Variants in GTPBP10 observed in about 807,000 individuals in gnomAD.
The protein encoded by GTPBP10 is GTP binding protein 10.
GTPBP10 carries 38 observed loss-of-function variants against 44.8 expected under a neutral mutation model. That is an observed-to-expected ratio of 0.85 (90% CI 0.65 to 1.11). GTPBP10 has a LOEUF of 1.11. Ranked by LOEUF, GTPBP10 falls within the 50% of genes most tolerant of loss-of-function variation. The pLI is 0.00. For synonymous variants in GTPBP10, 152 were observed against 150.6 expected (o/e 1.01, Z -0.07); for missense variants, 462 against 453.7 (o/e 1.02, Z -0.17).
chr7:90,362,348 G>A (rs920139861), intron 4 of GTPBP10, among the ~76,000 whole-genome samples: 11 of 152,074 alleles, frequency 7.2e-5, no homozygotes, highest in Admixed American at 2.0e-4. Context: ...GTTCTCATTG[G>A]TTTCAAAGAA....
chr7:90,369,386 T>C (rs1230244616), intron 4 of GTPBP10, among the ~76,000 whole-genome samples: 1 of 152,200 alleles, frequency 6.6e-6, no homozygotes, highest in African/African-American at 2.4e-5. Context: ...TTTTTTCTGA[T>C]ATGCCCTGCC....
At chr7:90,349,357 G>GT (rs1795743920) in intron 1 of GTPBP10, among the ~76,000 whole-genome samples, 1 of 152,100 alleles carries the variant, frequency 6.6e-6, no homozygotes, top group Non-Finnish European at 1.5e-5. Flanking sequence ...TACAGACATT[G>GT]TGTTTGGGGG....
At chr7:90,376,030 TC>T (rs1249840464) in intron 6 of GTPBP10, among the ~76,000 whole-genome samples, 1 of 148,868 alleles carries the variant, frequency 6.7e-6, no homozygotes, top group Non-Finnish European at 1.5e-5. Flanking sequence ...ATCGAGACCA[TC>T]CTGGCTAACA....
At chr7:90,362,982 G>A (rs1201940646) in intron 4 of GTPBP10, among the ~76,000 whole-genome samples, 1 of 151,782 alleles carries the variant, frequency 6.6e-6, no homozygotes, top group Non-Finnish European at 1.5e-5. Flanking sequence ...TTTTCCATTT[G>A]CTTGATAAAT....
chr7:90,351,429 A>C (rs989650438), intron 1 of GTPBP10, among the ~76,000 whole-genome samples: 2 of 152,202 alleles, frequency 1.3e-5, no homozygotes, highest in Non-Finnish European at 2.9e-5. Context: ...TTTAAAAATT[A>C]AGATAGATAT....
chr7:90,364,275 CT>C (rs1796087913), intron 4 of GTPBP10, among the ~76,000 whole-genome samples: 1 of 151,954 alleles, frequency 6.6e-6, no homozygotes, highest in African/African-American at 2.4e-5. Flanking sequence ...TTTTATCTAC[CT>C]TTGGTCTTTG....
intron 9 of GTPBP10, among the ~76,000 whole-genome samples, 153 bp downstream of exon 9, chr7:90,383,232 A>G (rs1003661284): frequency 6.6e-5 from 10 of 152,254 alleles, no homozygotes; most frequent in Admixed American, 2.6e-4. Context: ...TTGTAACATA[A>G]TAATTACCAA....
At chr7:90,349,984 C>T (rs543955223) in intron 1 of GTPBP10, among the ~76,000 whole-genome samples, 1 of 151,744 alleles carries the variant, frequency 6.6e-6, no homozygotes, top group African/African-American at 2.4e-5. Context: ...AGGTTTGTTA[C>T]ATAGGTATAC....
Position 90,387,163 on chromosome 7 carries a change from C to T in GTPBP10, c.*2009C>T, listed in dbSNP as rs896074059. 6.6e-6 allele frequency: 1 copy of T among 151,968 alleles called. No homozygotes were observed. The highest frequency in any genetic ancestry group is 1.5e-5 in the Non-Finnish European group (1 of 68,034). 9.4% of individuals were successfully genotyped at this position (151,968 alleles called of 1,614,324 possible). On this transcript the variant is annotated 3_prime_UTR_variant, in exon 10 of 10. Transcript: ENST00000222511. Reference sequence around the variant, plus strand: ...ACCAGCCTGGCCAACATGGTGAAAACCCATCTCTACTAAAATACAAAAATC... The same window carrying T: ...ACCAGCCTGGCCAACATGGTGAAAATCCATCTCTACTAAAATACAAAAATC...
At chr7:90,367,926 TC>T (rs1796169774) in intron 4 of GTPBP10, among the ~76,000 whole-genome samples, 3 of 152,230 alleles carry the variant, frequency 2.0e-5, no homozygotes, top group Admixed American at 6.5e-5. Context: ...TGCTAGTTGT[TC>T]CTTTCCATGT....
At chr7:90,377,689 TA>T (rs1256602509) in intron 7 of GTPBP10, 75 bp downstream of exon 7, 20 of 995,128 alleles carry the variant, frequency 2.0e-5, no homozygotes, top group Non-Finnish European at 2.7e-5. Flanking sequence ...AGAATTTTTT[TA>T]TAAATAAGAA....
chr7:90,369,582 G>A (rs779042828), intron 4 of GTPBP10, among the ~76,000 whole-genome samples: 16 of 152,182 alleles, frequency 1.1e-4, no homozygotes, highest in African/African-American at 1.9e-4. Context: ...AGACTGCTGC[G>A]CTAGCAGTGA....
chr7:90,360,470 G>C (rs1795995611), intron 4 of GTPBP10, among the ~76,000 whole-genome samples: 1 of 152,146 alleles, frequency 6.6e-6, no homozygotes, highest in Admixed American at 6.5e-5. Context: ...TATTATTTCT[G>C]AGGGCTCTGG....
intron 2 of GTPBP10, among the ~76,000 whole-genome samples, chr7:90,354,144 T>G (rs534205379): frequency 1.3e-5 from 2 of 152,278 alleles, no homozygotes; most frequent in South Asian, 2.1e-4. Context: ...TTTTCTACCC[T>G]ATTTGTATTG....
rs1796564041 is a variant in GTPBP10, at chr7:90,388,556, ATATT to A, written c.*3403_*3406del. On this transcript the variant is annotated 3_prime_UTR_variant, in exon 10 of 10. Transcript: ENST00000222511. ...TATTATGTTGTGCTTTTTGTGATATATATTCATATTATTATTTGTCATAACAAGG... is the reference window on the plus strand; with the variant it reads ...TATTATGTTGTGCTTTTTGTGATATACATATTATTATTTGTCATAACAAGG... The A allele has an allele frequency of 6.6e-6, 1 of 152,212 alleles. No homozygotes were observed. The highest frequency in any genetic ancestry group is 2.4e-5 in the African/African-American group (1 of 41,456). The allele number at this position is 152,212 out of a possible 1,614,324, so 9.4% of individuals were successfully genotyped here. A position where few individuals can be genotyped will look rare whatever the true frequency, so the allele number is the denominator to read the frequency against.
intron 4 of GTPBP10, among the ~76,000 whole-genome samples, chr7:90,368,081 T>C (rs1796172987): frequency 6.6e-6 from 1 of 152,196 alleles, no homozygotes; most frequent in Non-Finnish European, 1.5e-5. Flanking sequence ...TTGAAAATTC[T>C]TTTCTTTAGG....
rs1461679777 is a variant in GTPBP10 at position 90,389,879 on chromosome 7, C to T, written c.*4725C>T. On this transcript the variant is annotated 3_prime_UTR_variant, in exon 10 of 10. Transcript: ENST00000222511. ...TATAGCCCTCTGCGGCCTCAATCTT[C>T]AGGGCTTAAGTTATCCTCCTGCCTC... The T allele has an allele frequency of 1.3e-5, 2 of 152,112 alleles. No individual in the cohort carries two copies. Among genetic ancestry groups the T allele is most frequent in the Non-Finnish European group, 2.9e-5 (2 of 68,082 alleles). The allele number at this position is 152,112 out of a possible 1,614,324, so 9.4% of individuals were successfully genotyped here.
chr7:90,385,223 A>G lies in GTPBP10; in HGVS notation c.*69A>G. 8.8e-7 allele frequency: 1 copy of G among 1,134,680 alleles called. No individual in the cohort carries two copies. Among genetic ancestry groups the G allele is most frequent in the South Asian group, 1.6e-5 (1 of 62,350 alleles). The allele number at this position is 1,134,680 out of a possible 1,614,324, so 70.3% of individuals were successfully genotyped here. A position where few individuals can be genotyped will look rare whatever the true frequency, so the allele number is the denominator to read the frequency against. Reference sequence around the variant, plus strand: ...AAACAAGGAAATCCTTTCATCTGTGACAACCTGGAGGACATGTTAAGTAAA... The same window carrying G: ...AAACAAGGAAATCCTTTCATCTGTGGCAACCTGGAGGACATGTTAAGTAAA... On this transcript the variant is annotated 3_prime_UTR_variant, in exon 10 of 10. Transcript: ENST00000222511.
chr7:90,360,331 G>A (rs979919364), intron 4 of GTPBP10, among the ~76,000 whole-genome samples: 1 of 152,036 alleles, frequency 6.6e-6, no homozygotes, highest in Non-Finnish European at 1.5e-5. Flanking sequence ...GTGTAAGGAA[G>A]GGATCCAGTT....
Sources: gnomAD v4.1 joint callset for allele counts (sites outside exome capture counted in the v4.1 genomes callset) on GRCh38, gnomAD v4.1.1 for gene constraint, MANE v1.5 for transcripts, NCBI Gene and HGNC (gene_info 2026-07-23, HGNC 2026-07-21) for gene names.